The following PARD3 variants were observed in gnomAD, a reference collection of about 807,000 sequenced individuals.
The protein encoded by PARD3 is partitioning defective 3 homolog.
In PARD3, 75 loss-of-function variants were observed where a neutral mutation model predicts 155.4. The observed-to-expected ratio is 0.48, with a 90% confidence interval of 0.40 to 0.58. The LOEUF is 0.58. PARD3 is among the 20% of genes least tolerant of loss of function. PARD3 has a pLI of 0.00. For missense variants in PARD3, 1,642 were observed against 1,721.7 expected (o/e 0.95, Z 0.82); for synonymous variants, 576 against 610.5 (o/e 0.94, Z 0.83).
In PARD3 at chr10:34,372,546, T is replaced by A. The variant is rs1274631420; in HGVS notation, c.1669-10A>T. On this transcript the variant is annotated splice_polypyrimidine_tract_variant and intron_variant, in intron 11 of 24. Coordinates refer to ENST00000374788, the MANE Select transcript of PARD3 (RefSeq NM_001184785.2). The stretch of plus-strand genomic sequence containing the variant: ...GGCTTGGCTCTGCATTCTAGAAGAA[T>A]TGAAGAAAAACATAAATACAGACTG... 6.2e-7 allele frequency: 1 copy of A among 1,601,118 alleles called. No homozygotes were observed. The highest frequency in any genetic ancestry group is 8.6e-7 in the Non-Finnish European group (1 of 1,168,626).
intron 17 of PARD3, among the ~76,000 whole-genome samples, 189 bp downstream of exon 17, chr10:34,337,086 T>TA (rs1234371385): frequency 6.6e-6 from 1 of 152,186 alleles, no homozygotes; most frequent in Non-Finnish European, 1.5e-5. Context: ...GCATATTATG[T>TA]AAACATGCCA....
At chr10:34,459,334 T>C (rs1423363537) in intron 4 of PARD3, among the ~76,000 whole-genome samples, 1 of 138,930 alleles carries the variant, frequency 7.2e-6, no homozygotes, top group South Asian at 2.2e-4. Flanking sequence ...GCCCAGCTAA[T>C]TTTTTTTTTT....
At chr10:34,365,562 T>C (rs1839880913) in intron 12 of PARD3, among the ~76,000 whole-genome samples, 2 of 152,198 alleles carry the variant, frequency 1.3e-5, no homozygotes. Context: ...TACATATTAG[T>C]TAAATAGGTA....
chr10:34,521,415 T>G (rs1354840689), intron 2 of PARD3, among the ~76,000 whole-genome samples: 1 of 149,830 alleles, frequency 6.7e-6, no homozygotes, highest in Non-Finnish European at 1.5e-5. Context: ...AAACTGCGTA[T>G]TAAAAATCTC....
chr10:34,650,235 T>C (rs760495670), intron 2 of PARD3, among the ~76,000 whole-genome samples: 8 of 152,232 alleles, frequency 5.3e-5, no homozygotes, highest in Non-Finnish European at 1.2e-4. Flanking sequence ...TAGACGTTTA[T>C]ACAACCACAG....
intron 3 of PARD3, among the ~76,000 whole-genome samples, chr10:34,511,504 T>G (rs929088931): frequency 6.6e-6 from 1 of 152,148 alleles, no homozygotes; most frequent in Non-Finnish European, 1.5e-5. Flanking sequence ...CATCCTCACA[T>G]GTAGGAAGGT....
intron 12 of PARD3, among the ~76,000 whole-genome samples, chr10:34,361,788 T>A (rs1212248149): frequency 6.6e-6 from 1 of 152,106 alleles, no homozygotes; most frequent in African/African-American, 2.4e-5. Flanking sequence ...TGATAGTTTT[T>A]AAAGACAAGT....
chr10:34,218,595 G>T (rs1952122279), intron 22 of PARD3, among the ~76,000 whole-genome samples: 1 of 152,114 alleles, frequency 6.6e-6, no homozygotes, highest in African/African-American at 2.4e-5. Flanking sequence ...GCCATTTGGG[G>T]CACTTCTCCA....
intron 22 of PARD3, among the ~76,000 whole-genome samples, chr10:34,159,712 A>G (rs1260611059): frequency 1.3e-5 from 2 of 152,236 alleles, no homozygotes; most frequent in Non-Finnish European, 2.9e-5. Context: ...AGCACTTTCT[A>G]TACATGAGGC....
At chr10:34,602,450 A>G (rs1345855841) in intron 2 of PARD3, among the ~76,000 whole-genome samples, 8 of 152,262 alleles carry the variant, frequency 5.3e-5, no homozygotes, top group Admixed American at 2.0e-4. Context: ...GGTGGTGTAA[A>G]AATAATCCAT....
chr10:34,355,550 A>C (rs1381158249), intron 14 of PARD3, among the ~76,000 whole-genome samples: 2 of 152,184 alleles, frequency 1.3e-5, no homozygotes, highest in Non-Finnish European at 2.9e-5. Flanking sequence ...TGTGAGCTGG[A>C]AAGAGGATGA....
chr10:34,114,287 G>C (rs1390815007), intron 24 of PARD3, among the ~76,000 whole-genome samples: 3 of 152,104 alleles, frequency 2.0e-5, no homozygotes, highest in Admixed American at 2.0e-4. Flanking sequence ...AGAAAAAAAG[G>C]CTCAGGACTT....
At chr10:34,295,425 A>G (rs1333584778) in intron 20 of PARD3, among the ~76,000 whole-genome samples, 3 of 152,200 alleles carry the variant, frequency 2.0e-5, no homozygotes, top group Non-Finnish European at 4.4e-5. Flanking sequence ...TCCCATTTCC[A>G]TCTTCTCAGA....
chr10:34,534,541 G>A (rs539949518), intron 2 of PARD3, among the ~76,000 whole-genome samples: 199 of 152,206 alleles, frequency 1.3e-3, no homozygotes, highest in South Asian at 2.9e-3. Flanking sequence ...AAATGAAGAG[G>A]GCTACAATGC....
chr10:34,766,841 G>A (rs1218827701), intron 1 of PARD3, among the ~76,000 whole-genome samples: 2 of 152,144 alleles, frequency 1.3e-5, no homozygotes, highest in African/African-American at 2.4e-5. Flanking sequence ...GACTTTCGGA[G>A]GCTCAAACAG....
intron 2 of PARD3, among the ~76,000 whole-genome samples, chr10:34,603,510 A>T (rs904534053): frequency 6.6e-6 from 1 of 152,132 alleles, no homozygotes; most frequent in African/African-American, 2.4e-5. Flanking sequence ...TGAACAAGAG[A>T]TGCTGAATTC....
At chr10:34,548,330 A>AACAC (rs374603106) in intron 2 of PARD3, among the ~76,000 whole-genome samples, 3 of 151,614 alleles carry the variant, frequency 2.0e-5, no homozygotes, top group Non-Finnish European at 2.9e-5. Flanking sequence ...CTCTACTAAA[A>AACAC]ACACACACAC....
chr10:34,399,775 T>C (rs1453267472), intron 6 of PARD3, among the ~76,000 whole-genome samples: 2 of 152,190 alleles, frequency 1.3e-5, no homozygotes, highest in East Asian at 3.8e-4. Flanking sequence ...ACTGAAACTC[T>C]TCCATCCCAA....
At chr10:34,214,209 T>C (rs1588791111) in intron 22 of PARD3, among the ~76,000 whole-genome samples, 1 of 152,308 alleles carries the variant, frequency 6.6e-6, no homozygotes, top group African/African-American at 2.4e-5. Flanking sequence ...TTATATTAAT[T>C]CTCATGTGTG....
Sources: gnomAD v4.1 joint callset for allele counts (sites outside exome capture counted in the v4.1 genomes callset) on GRCh38, gnomAD v4.1.1 for gene constraint, MANE v1.5 for transcripts, NCBI Gene and HGNC (gene_info 2026-07-23, HGNC 2026-07-21) for gene names.